USP15: variants seen among roughly 807,000 people sequenced by gnomAD.
USP15 encodes the protein ubiquitin carboxyl-terminal hydrolase 15.
USP15 carries 18 observed loss-of-function variants against 127.1 expected under a neutral mutation model. That is an observed-to-expected ratio of 0.14 (90% CI 0.10 to 0.21). The LOEUF is 0.21. USP15 is among the 10% of genes least tolerant of loss of function. USP15 has a pLI of 1.00. For missense variants in USP15, 805 were observed against 1,159.9 expected, an observed-to-expected ratio of 0.69 and a Z score of 4.44; for synonymous variants, 364 against 393.7, an observed-to-expected ratio of 0.92 and a Z score of 0.89.
intron 6 of USP15, among the ~76,000 whole-genome samples, chr12:62,337,724 A>T (rs1035360637): frequency 6.6e-6 from 1 of 151,040 alleles, no homozygotes; most frequent in Admixed American, 6.6e-5. Flanking sequence ...GAGTGAGAAC[A>T]TGTGGTGTTT....
chr12:62,277,024 T>C (rs1402399337), intron 1 of USP15, among the ~76,000 whole-genome samples: 1 of 152,166 alleles, frequency 6.6e-6, no homozygotes, highest in Admixed American at 6.6e-5. Flanking sequence ...ATATTATTCT[T>C]AGTCTATTTG....
intron 5 of USP15, among the ~76,000 whole-genome samples, chr12:62,323,833 G>A (rs1233869923): frequency 1.3e-5 from 2 of 152,060 alleles, no homozygotes; most frequent in African/African-American, 4.8e-5. Context: ...TTCTTGATAG[G>A]TATGTATTTA....
chr12:62,354,126 T>TGTGTGTGTGC (rs1194248767), intron 7 of USP15, among the ~76,000 whole-genome samples: 2 of 151,664 alleles, frequency 1.3e-5, no homozygotes, highest in Admixed American at 6.6e-5. Flanking sequence ...GGGTGGTGTG[T>TGTGTGTGTGC]GTGTGTGTGC....
At chr12:62,364,546 T>C (rs920708171) in intron 8 of USP15, among the ~76,000 whole-genome samples, 10 of 152,110 alleles carry the variant, frequency 6.6e-5, no homozygotes, top group Admixed American at 4.6e-4. Context: ...AATGGAATTA[T>C]TTTTTTAATT....
In USP15 at chr12:62,389,470, C is replaced by A. The variant is rs1222112030; in HGVS notation, c.1513C>A (p.Leu505Ile). The change falls in exon 12 of 22, where the codon CTT becomes ATT. Residue 505 changes from leucine (L) to isoleucine (I), a missense_variant. By Grantham distance (5) the Leu-to-Ile change is conservative. Around this residue, in one of 11 missense-constraint regions of USP15, gnomAD observed 82 missense variants for 104.4 expected, o/e 0.79. Transcript: ENST00000280377. Reference protein sequence around the residue: ...VVPKIGNILDLCTALSALSGI... With the variant: ...VVPKIGNILDICTALSALSGI... The stretch of plus-strand genomic sequence containing the variant: ...CCCCAAAATTGGAAACATATTAGAT[C>A]TTTGTACAGCATTGTCTGCTTTGTC... 4 of 1,613,322 alleles carry A rather than the reference C, an allele frequency of 2.5e-6. No individual in the cohort carries two copies. Among genetic ancestry groups the A allele is most frequent in the Middle Eastern group, 1.7e-4 (1 of 5,948 alleles).
Position 62,396,259 on chromosome 12 carries a change from C to T in USP15, c.2571-36C>T, listed in dbSNP as rs187336061. On this transcript the variant is annotated intron_variant, in intron 19 of 21. Coordinates refer to ENST00000280377, the MANE Select transcript of USP15 (RefSeq NM_001252078.2). ...GAATAGAATTCATTGCATTTAGGGA[C>T]AACATAAAAATTAACTTGGTTTCTT... 2.4e-5 allele frequency: 36 copies of T among 1,515,614 alleles called. No homozygotes were observed. The African/African-American group carries it at 4.6e-4, about 19-fold the overall frequency. The allele number at this position is 1,515,614 out of a possible 1,614,324, so 93.9% of individuals were successfully genotyped here. A position where few individuals can be genotyped will look rare whatever the true frequency, so the allele number is the denominator to read the frequency against.
Position 62,327,554 on chromosome 12 carries a change from TA to T in USP15, c.683+1629del, listed in dbSNP as rs1053061617. On this transcript the variant is annotated intron_variant, in intron 6 of 21. Transcript: ENST00000280377. ...TACAAAATTGTTTGTGGATTAATAT[TA>T]AAAAAAACCCATGAGTTCTAAAGAT... 1.0e-3 allele frequency: 387 copies of T among 375,900 alleles called. 2 individuals are homozygous for T. The highest frequency in any genetic ancestry group is 8.0e-3 in the African/African-American group (363 of 45,218). The allele number at this position is 375,900 out of a possible 1,614,324, so 23.3% of individuals were successfully genotyped here. A position where few individuals can be genotyped will look rare whatever the true frequency, so the allele number is the denominator to read the frequency against.
intron 1 of USP15, among the ~76,000 whole-genome samples, chr12:62,263,340 T>C (rs140068238): frequency 9.9e-4 from 151 of 152,350 alleles, no homozygotes; most frequent in Non-Finnish European, 1.7e-3. Flanking sequence ...TTAATACACA[T>C]GTCTGAAGTT....
At chr12:62,304,488 C>T (rs1486501487) in intron 3 of USP15, among the ~76,000 whole-genome samples, 8 of 152,092 alleles carry the variant, frequency 5.3e-5, no homozygotes, top group Non-Finnish European at 8.8e-5. Flanking sequence ...GCCCACATGA[C>T]TGATGCAGGT....
chr12:62,363,531 A>G (rs2066380097), intron 8 of USP15, among the ~76,000 whole-genome samples: 1 of 152,166 alleles, frequency 6.6e-6, no homozygotes, highest in South Asian at 2.1e-4. Context: ...ATTATCTATC[A>G]GTGAGGTGCT....
Position 62,408,676 on chromosome 12 carries a change from G to C in USP15, c.*4301G>C, listed in dbSNP as rs2137702079. On this transcript the variant is annotated 3_prime_UTR_variant, in exon 22 of 22. Coordinates refer to ENST00000280377, the MANE Select transcript of USP15 (RefSeq NM_001252078.2). The stretch of plus-strand genomic sequence containing the variant: ...AATTCTTCTAAGTACCACTTGACCA[G>C]AGGATAGGGAAAGGAGGAAAAGGTG... The C allele has an allele frequency of 6.6e-6, 1 of 152,204 alleles. No individual in the cohort carries two copies. The highest frequency in any genetic ancestry group is 1.5e-5 in the Non-Finnish European group (1 of 67,988). The allele number at this position is 152,204 out of a possible 1,614,324, so 9.4% of individuals were successfully genotyped here. A position where few individuals can be genotyped will look rare whatever the true frequency, so the allele number is the denominator to read the frequency against.
intron 3 of USP15, among the ~76,000 whole-genome samples, chr12:62,311,567 G>A (rs1055208866): frequency 6.6e-6 from 1 of 151,566 alleles, no homozygotes; most frequent in Non-Finnish European, 1.5e-5. Context: ...AGATTGATGG[G>A]TAGATTTAGC....
At chr12:62,343,415 C>T (rs186431181) in intron 6 of USP15, among the ~76,000 whole-genome samples, 10 of 152,252 alleles carry the variant, frequency 6.6e-5, no homozygotes, top group South Asian at 2.1e-4. Flanking sequence ...TCCAGGGGAG[C>T]GAATGGTTCT....
intron 1 of USP15, among the ~76,000 whole-genome samples, chr12:62,283,029 G>A (rs2063695510): frequency 6.6e-6 from 1 of 152,072 alleles, no homozygotes; most frequent in Non-Finnish European, 1.5e-5. Context: ...AAACTAACGG[G>A]AAATTTTGCA....
chr12:62,399,393 T>C (rs1456090306), intron 20 of USP15, among the ~76,000 whole-genome samples: 3 of 151,872 alleles, frequency 2.0e-5, no homozygotes, highest in Non-Finnish European at 4.4e-5. Context: ...GGTACAGTCA[T>C]ATTAGTTGTC....
chr12:62,307,869 T>A (rs1017570189), intron 3 of USP15, among the ~76,000 whole-genome samples: 1 of 152,144 alleles, frequency 6.6e-6, no homozygotes, highest in Non-Finnish European at 1.5e-5. Context: ...CAGGTAGACA[T>A]TTAATCATCT....
At chr12:62,284,570 A>G (rs770541644) in intron 1 of USP15, among the ~76,000 whole-genome samples, 11 of 152,142 alleles carry the variant, frequency 7.2e-5, no homozygotes, top group Non-Finnish European at 1.3e-4. Flanking sequence ...TTATAGTGCT[A>G]TATATGGTAA....
intron 3 of USP15, among the ~76,000 whole-genome samples, chr12:62,304,074 A>C (rs2064403896): frequency 6.6e-6 from 1 of 152,190 alleles, no homozygotes; most frequent in Admixed American, 6.6e-5. Flanking sequence ...GTATTCCTTT[A>C]ATCTTAATGA....
chr12:62,292,900 T>G (rs1013836562), intron 1 of USP15, among the ~76,000 whole-genome samples: 1 of 152,150 alleles, frequency 6.6e-6, no homozygotes, highest in African/African-American at 2.4e-5. Context: ...TGCTGCCTGC[T>G]GAGTGGGTGC....
Sources: allele counts gnomAD v4.1 joint callset (sites outside exome capture counted in the v4.1 genomes callset), GRCh38; gene constraint gnomAD v4.1.1; regional missense constraint gnomAD v4.1.1; transcripts MANE v1.5; gene names NCBI Gene and HGNC (gene_info 2026-07-23, HGNC 2026-07-21).